Variants in CHD9 observed in about 807,000 individuals in gnomAD.
The protein encoded by CHD9 is ATP-dependent chromatin remodeler CHD9.
CHD9 carries 77 observed loss-of-function variants against 316.1 expected under a neutral mutation model. The observed-to-expected ratio is 0.24, with a 90% CI of 0.20 to 0.29. CHD9 has a LOEUF of 0.29. CHD9 is among the 10% of genes least tolerant of loss of function. The pLI is 1.00. For synonymous variants in CHD9, 1,129 were observed against 1,158.3 expected, an observed-to-expected ratio of 0.97 and a Z score of 0.51; for missense variants, 2,763 against 3,438.1, an observed-to-expected ratio of 0.80 and a Z score of 4.91.
At position 53,157,521 on chromosome 16, in the gene CHD9, C is replaced by T; in HGVS notation, c.1432C>T (p.His478Tyr). Residue 478 changes from histidine (H) to tyrosine (Y), a missense_variant, in exon 2 of 39, where the codon CAC becomes TAC. Physicochemically the swap from His to Tyr is moderately conservative, Grantham distance 83 (BLOSUM62 2). Around this residue, in one of 15 missense-constraint regions of CHD9, gnomAD observed 859 missense variants for 890.4 expected, o/e 0.96. Coordinates refer to ENST00000447540, the MANE Select transcript of CHD9 (RefSeq NM_001308319.2). The part of the protein sequence containing the change: ...SNHQHLHDRN[H>Y]LCLQRQPPSS... ...TCATCAGCATTTACATGACAGAAAT[C>T]ACCTATGTTTACAGCGACAGGTATG... 1 of 1,613,038 alleles carries T rather than the reference C, an allele frequency of 6.2e-7. No homozygotes were observed. The highest frequency in any genetic ancestry group is 8.5e-7 in the Non-Finnish European group (1 of 1,179,190).
Position 53,324,263 on chromosome 16 carries a change from A to T in CHD9, c.8062A>T (p.Thr2688Ser). 1 of 1,614,024 alleles carries T rather than the reference A, an allele frequency of 6.2e-7. No homozygotes were observed. Among genetic ancestry groups the T allele is most frequent in the Non-Finnish European group, 8.5e-7 (1 of 1,179,898 alleles). Residue 2688 changes from threonine to serine, a missense_variant, in exon 39 of 39, where the codon ACT becomes TCT. Coordinates refer to ENST00000447540, the MANE Select transcript of CHD9 (RefSeq NM_001308319.2). Reference sequence around the variant, plus strand: ...ACAAAACTTGCAGTCACTGCAAGTAACTGCTGGGTTGATGGGAATGCCTAC... The same window carrying T: ...ACAAAACTTGCAGTCACTGCAAGTATCTGCTGGGTTGATGGGAATGCCTAC... Reference protein sequence around the residue: ...NLQNLQSLQVTAGLMGMPTGL... With the variant: ...NLQNLQSLQVSAGLMGMPTGL...
At chr16:53,176,378 A>G (rs2043104073) in intron 2 of CHD9, among the ~76,000 whole-genome samples, 1 of 152,218 alleles carries the variant, frequency 6.6e-6, no homozygotes, top group Non-Finnish European at 1.5e-5. Flanking sequence ...CATCGGGCCT[A>G]CATGGATAAT....
chr16:53,322,000 CT>C (rs61037497), intron 38 of CHD9, among the ~76,000 whole-genome samples: 41,242 of 131,978 alleles, frequency 0.31, 6,100 homozygotes, highest in Middle Eastern at 0.36. Context: ...TTTTCTTTTT[CT>C]TTTTTTTTTT....
At chr16:53,250,128 T>C in intron 17 of CHD9, 62 bp downstream of exon 17, 1 of 1,168,546 alleles carries the variant, frequency 8.6e-7, no homozygotes. Context: ...TGTGTAACTT[T>C]TTGGTAATCC....
intron 2 of CHD9, among the ~76,000 whole-genome samples, chr16:53,181,238 C>T (rs1234677913): frequency 2.6e-5 from 4 of 151,946 alleles, no homozygotes; most frequent in South Asian, 4.1e-4. Flanking sequence ...CTTGAACTCC[C>T]GACCTCAGGT....
Position 53,274,275 on chromosome 16 carries a change from A to G in CHD9, c.4940A>G (p.Gln1647Arg), listed in dbSNP as rs2052573794. The G allele has an allele frequency of 6.3e-7, 1 of 1,595,538 alleles. No individual in the cohort carries two copies. Among genetic ancestry groups the G allele is most frequent in the South Asian group, 1.2e-5 (1 of 86,950 alleles). The change falls in exon 24 of 39, where the codon CAG becomes CGG. Residue 1647 changes from glutamine to arginine, a missense_variant. Gln to Arg is a conservative substitution (Grantham distance 43). This residue lies in a region of CHD9 where 40 missense variants were observed against 39.5 expected (regional missense o/e 1.01). Transcript: ENST00000447540. ...CAAGAAGTTATTGGAAATGAGTGTC[A>G]GAAAGTATTTGATGGAGTTGATGCA... The part of the protein sequence containing the change: ...LKQEVIGNEC[Q>R]KVFDGVDASD...
chr16:53,289,050 T>C (rs2054116448), intron 27 of CHD9, among the ~76,000 whole-genome samples: 1 of 152,006 alleles, frequency 6.6e-6, no homozygotes, highest in Admixed American at 6.6e-5. Flanking sequence ...GAGAAACCAT[T>C]TACCATGAGT....
chr16:53,315,010 C>T lies in CHD9; in HGVS notation c.7550C>T (p.Pro2517Leu), dbSNP rs368365380. 13 of 1,613,532 alleles carry T rather than the reference C, an allele frequency of 8.1e-6. No individual in the cohort carries two copies. Among genetic ancestry groups the T allele is most frequent in the East Asian group, 2.2e-5 (1 of 44,858 alleles). ...TTGGAAAAATGGCTTAAGGAGCACCCGGGTTATGTGGAAGATTTGGGAGCT... is the reference window on the plus strand; with the variant it reads ...TTGGAAAAATGGCTTAAGGAGCACCTGGGTTATGTGGAAGATTTGGGAGCT... Reference protein sequence around the residue: ...KDLEKWLKEHPGYVEDLGAFI... With the variant: ...KDLEKWLKEHLGYVEDLGAFI... The change falls in exon 36 of 39, where the codon CCG becomes CTG. Residue 2517 changes from proline to leucine, a missense_variant. Pro to Leu is a moderately conservative substitution (Grantham distance 98, BLOSUM62 -3). Transcript: ENST00000447540.
At chr16:53,088,798 A>C (rs530356480) in intron 1 of CHD9, among the ~76,000 whole-genome samples, 2 of 151,686 alleles carry the variant, frequency 1.3e-5, no homozygotes, top group East Asian at 3.9e-4. Context: ...TGGGCAACAT[A>C]GTGAGACCCT....
intron 2 of CHD9, among the ~76,000 whole-genome samples, chr16:53,176,876 A>G (rs62048029): frequency 0.32 from 47,895 of 152,040 alleles, 7,738 homozygotes; most frequent in Middle Eastern, 0.39. Flanking sequence ...CAGGCATTGT[A>G]CTGAGTACTT....
At position 53,141,031 on chromosome 16, in the gene CHD9, T is replaced by A. The variant is rs1201137407; in HGVS notation, c.-164-14895T>A. Among the ~76,000 whole-genome samples the A allele has an allele frequency of 3.3e-5, 5 of 152,372 alleles. No individual in the cohort carries two copies. In the East Asian group the frequency reaches 7.7e-4, roughly 23 times the overall value. ...GCTTTGTCCTTTTGCTTATGTCCTT[T>A]GGTTTAAATTATTTTAAACCAAAGA... On this transcript the variant is annotated intron_variant, in intron 1 of 38. Coordinates refer to ENST00000447540, the MANE Select transcript of CHD9 (RefSeq NM_001308319.2).
intron 2 of CHD9, among the ~76,000 whole-genome samples, chr16:53,197,332 C>A (rs905600116): frequency 2.0e-5 from 3 of 152,114 alleles, no homozygotes; most frequent in African/African-American, 7.2e-5. Flanking sequence ...AATCCTGTGT[C>A]CTGTTTTTAA....
intron 19 of CHD9, 97 bp downstream of exon 19, chr16:53,255,876 C>A: frequency 8.9e-7 from 1 of 1,128,460 alleles, no homozygotes; most frequent in Non-Finnish European, 1.3e-6. Context: ...TTTAAACATA[C>A]TGAATTAGCC....
rs766429684 is a variant in CHD9, at chr16:53,324,834, C to T, written c.8633C>T (p.Ser2878Leu). The change falls in exon 39 of 39, where the codon TCA becomes TTA. Residue 2878 changes from serine (S) to leucine (L), a missense_variant. Around this residue, in one of 15 missense-constraint regions of CHD9, gnomAD observed 298 missense variants for 380.2 expected, o/e 0.78. Coordinates refer to ENST00000447540, the MANE Select transcript of CHD9 (RefSeq NM_001308319.2). ...GAGGGTTCAGAGAAAGCTGATGCTT[C>T]ATCTGGATCTGATAGTACATCGTCG... ...TDEGSEKADA[S>L]SGSDSTSSSS... 1.2e-6 allele frequency: 2 copies of T among 1,612,080 alleles called. No homozygotes were observed. Among genetic ancestry groups the T allele is most frequent in the African/African-American group, 1.3e-5 (1 of 74,994 alleles).
intron 1 of CHD9, among the ~76,000 whole-genome samples, chr16:53,098,867 C>T (rs748857291): frequency 6.6e-6 from 1 of 152,220 alleles, no homozygotes; most frequent in African/African-American, 2.4e-5. Flanking sequence ...AAATCAAGAA[C>T]CGTCGCTCCT....
intron 1 of CHD9, among the ~76,000 whole-genome samples, chr16:53,091,610 C>A (rs1410047044): frequency 6.6e-6 from 1 of 152,210 alleles, no homozygotes; most frequent in Non-Finnish European, 1.5e-5. Flanking sequence ...TTCCTGCAAA[C>A]TCCTTTTGGA....
intron 2 of CHD9, among the ~76,000 whole-genome samples, chr16:53,184,658 T>A (rs1380341285): frequency 6.6e-6 from 1 of 152,126 alleles, no homozygotes; most frequent in Non-Finnish European, 1.5e-5. Context: ...TAAAAGATAG[T>A]TAGATGGGTG....
chr16:53,274,377 C>T (rs1037289512), intron 24 of CHD9, 75 bp downstream of exon 24: 22 of 803,176 alleles, frequency 2.7e-5, no homozygotes, highest in Non-Finnish European at 3.9e-5. Context: ...TGGGTTCAAG[C>T]GATCCTCCCA....
intron 1 of CHD9, among the ~76,000 whole-genome samples, chr16:53,141,896 G>T (rs2040142230): frequency 1.3e-5 from 2 of 152,150 alleles, no homozygotes; most frequent in South Asian, 4.1e-4. Flanking sequence ...TGTAGGCATA[G>T]AGAACATATT....
Sources: gnomAD v4.1 joint callset for allele counts (sites outside exome capture counted in the v4.1 genomes callset) on GRCh38, gnomAD v4.1.1 for gene constraint, gnomAD v4.1.1 regional missense constraint, MANE v1.5 for transcripts, NCBI Gene and HGNC (gene_info 2026-07-23, HGNC 2026-07-21) for gene names.